The following CACNA2D1 variants were observed in gnomAD, a reference collection of about 807,000 sequenced individuals.
The protein encoded by CACNA2D1 is calcium voltage-gated channel auxiliary subunit alpha2delta 1, also known as voltage-dependent calcium channel subunit alpha-2/delta-1.
Under a neutral mutation model 171.5 loss-of-function variants are expected in CACNA2D1, and 53 were observed. That is an observed-to-expected ratio of 0.31 (90% CI 0.25 to 0.39). The LOEUF is 0.39. Ranked by LOEUF, CACNA2D1 falls within the 10% of genes least tolerant of loss-of-function variation. The pLI, the probability that CACNA2D1 is intolerant of heterozygous loss-of-function variation, is 1.00. For synonymous variants in CACNA2D1, 442 were observed against 443.1 expected, an observed-to-expected ratio of 1.00 and a Z score of 0.03; for missense variants, 903 against 1,299.8, an observed-to-expected ratio of 0.69 and a Z score of 4.69.
intron 1 of CACNA2D1, among the ~76,000 whole-genome samples, chr7:82,430,825 A>G (rs1224884722): frequency 6.6e-6 from 1 of 152,204 alleles, no homozygotes; most frequent in Non-Finnish European, 1.5e-5. Flanking sequence ...GTAGTCTGGA[A>G]TCATTTCTAT....
chr7:82,267,332 C>A (rs1055026902), intron 3 of CACNA2D1, among the ~76,000 whole-genome samples: 11 of 152,140 alleles, frequency 7.2e-5, no homozygotes, highest in Admixed American at 7.2e-4. Context: ...GATTGCTAAT[C>A]TTTTGCTTAT....
chr7:82,084,994 A>G, intron 6 of CACNA2D1, 94 bp from the exon 7 acceptor site: 1 of 1,085,204 alleles, frequency 9.2e-7, no homozygotes, highest in Non-Finnish European at 1.4e-6. Flanking sequence ...AAATATGTTC[A>G]TTGTTCTACC....
At chr7:82,193,046 C>A (rs1377867288) in intron 3 of CACNA2D1, among the ~76,000 whole-genome samples, 1 of 151,868 alleles carries the variant, frequency 6.6e-6, no homozygotes, top group Non-Finnish European at 1.5e-5. Context: ...TTGTCTGATG[C>A]TTCTTCTGCT....
intron 3 of CACNA2D1, among the ~76,000 whole-genome samples, chr7:82,307,339 T>C (rs1197727828): frequency 6.6e-6 from 1 of 151,762 alleles, no homozygotes; most frequent in Non-Finnish European, 1.5e-5. Context: ...GTATTTTTAG[T>C]AGAGACAGAG....
intron 10 of CACNA2D1, chr7:82,050,727 G>A (rs571050895): frequency 1.5e-6 from 1 of 679,742 alleles, no homozygotes; most frequent in Non-Finnish European, 2.7e-6. Flanking sequence ...GTGGAAAAAT[G>A]TTGGAAGATG....
intron 3 of CACNA2D1, among the ~76,000 whole-genome samples, chr7:82,245,922 T>G (rs988954726): frequency 6.6e-6 from 1 of 152,150 alleles, no homozygotes; most frequent in African/African-American, 2.4e-5. Context: ...ATTTTTTCTA[T>G]ATGACTTCAT....
rs190258098 is a variant in CACNA2D1, at chr7:82,390,989, G to C, written c.96-41340C>G. ...CCATGAAAAACATAAAAGAGATTTG[G>C]GTTTTTTCCTCCTTCTAAGGTAGAC... On this transcript the variant is annotated intron_variant, in intron 1 of 38. Coordinates refer to ENST00000356860, the MANE Select transcript of CACNA2D1 (RefSeq NM_000722.4). Among the ~76,000 whole-genome samples, 18 of 151,982 alleles carry C rather than the reference G, an allele frequency of 1.2e-4. No homozygotes were observed. In the East Asian group the frequency reaches 3.5e-3, roughly 29 times the overall value.
At chr7:82,060,628 A>T in intron 9 of CACNA2D1, 101 bp from the exon 10 acceptor site, 1 of 618,246 alleles carries the variant, frequency 1.6e-6, no homozygotes, top group Non-Finnish European at 2.7e-6. Flanking sequence ...GATCTTTTAT[A>T]TATTATTTAA....
intron 4 of CACNA2D1, among the ~76,000 whole-genome samples, chr7:82,137,313 T>C (rs1408872480): frequency 1.3e-5 from 2 of 152,060 alleles, no homozygotes; most frequent in Non-Finnish European, 1.5e-5. Context: ...ATACCATAAA[T>C]ATAAATTAGG....
intron 6 of CACNA2D1, among the ~76,000 whole-genome samples, chr7:82,111,347 T>TATATATGTGTATATATGTATATATATTC (rs1563064735): frequency 8.5e-6 from 1 of 118,232 alleles, no homozygotes; most frequent in Non-Finnish European, 1.7e-5. Flanking sequence ...TATATATTCA[T>TATATATGTGTATATATGTATATATATTC]ATATATGTGT....
chr7:82,177,632 C>T (rs1796686136), intron 3 of CACNA2D1, among the ~76,000 whole-genome samples: 1 of 152,034 alleles, frequency 6.6e-6, no homozygotes, highest in Non-Finnish European at 1.5e-5. Flanking sequence ...AAATGTTATA[C>T]ATCAATTGCA....
At chr7:82,044,169 G>A (rs1292121038) in intron 10 of CACNA2D1, among the ~76,000 whole-genome samples, 1 of 152,138 alleles carries the variant, frequency 6.6e-6, no homozygotes, top group African/African-American at 2.4e-5. Context: ...ACAGGCATGA[G>A]CCACTGTATC....
intron 7 of CACNA2D1, among the ~76,000 whole-genome samples, chr7:82,082,797 G>A (rs1263387833): frequency 1.3e-5 from 2 of 151,686 alleles, no homozygotes; most frequent in Admixed American, 6.6e-5. Context: ...CCAAAATGAA[G>A]TGAACAAATG....
chr7:81,962,148 G>A (rs1415372949), intron 35 of CACNA2D1, 125 bp from the exon 36 acceptor site: 9 of 866,024 alleles, frequency 1.0e-5, no homozygotes, highest in Non-Finnish European at 1.5e-5. Context: ...CCCCTCGACT[G>A]GCTTGTTTAC....
intron 1 of CACNA2D1, among the ~76,000 whole-genome samples, chr7:82,419,790 A>G (rs1828546469): frequency 6.6e-6 from 1 of 152,230 alleles, no homozygotes; most frequent in South Asian, 2.1e-4. Context: ...GGAAACATGT[A>G]TCATGGGTCA....
At chr7:82,043,176 T>C (rs1804158745) in intron 10 of CACNA2D1, among the ~76,000 whole-genome samples, 1 of 152,174 alleles carries the variant, frequency 6.6e-6, no homozygotes, top group Admixed American at 6.6e-5. Flanking sequence ...GCTATAGATT[T>C]ATAAGTAGAT....
At chr7:82,291,904 A>G (rs1811686456) in intron 3 of CACNA2D1, among the ~76,000 whole-genome samples, 1 of 151,946 alleles carries the variant, frequency 6.6e-6, no homozygotes, top group South Asian at 2.1e-4. Context: ...AAATTTAGAT[A>G]ATATCCACAA....
chr7:82,198,583 A>T (rs1246112036), intron 3 of CACNA2D1, among the ~76,000 whole-genome samples: 1 of 151,938 alleles, frequency 6.6e-6, no homozygotes, highest in Non-Finnish European at 1.5e-5. Flanking sequence ...TAATGGACCT[A>T]GGTTGCTATC....
At chr7:82,361,557 A>G (rs1353772770) in intron 1 of CACNA2D1, among the ~76,000 whole-genome samples, 1 of 152,146 alleles carries the variant, frequency 6.6e-6, no homozygotes, top group African/African-American at 2.4e-5. Context: ...AAAAAATTAT[A>G]TAATTGCGAT....
Sources: gnomAD v4.1 joint callset for allele counts (sites outside exome capture counted in the v4.1 genomes callset) on GRCh38, gnomAD v4.1.1 for gene constraint, MANE v1.5 for transcripts, NCBI Gene and HGNC (gene_info 2026-07-23, HGNC 2026-07-21) for gene names.